Variants in PNPLA7 observed in about 807,000 individuals in gnomAD.
The protein encoded by PNPLA7 is patatin like domain 7, lysophospholipase.
In PNPLA7, 153 loss-of-function variants were observed where a neutral mutation model predicts 161.7. That is an observed-to-expected ratio of 0.95 (90% CI 0.83 to 1.08). PNPLA7 has a LOEUF of 1.08. PNPLA7 is among the 50% of genes least tolerant of loss of function. PNPLA7 has a pLI of 0.00. For synonymous variants in PNPLA7, 809 were observed against 782.1 expected (o/e 1.03, Z -0.57); for missense variants, 1,739 against 1,856.6 (o/e 0.94, Z 1.16).
intron 20 of PNPLA7, chr9:137,491,396 A>G (rs957879441): frequency 1.2e-6 from 1 of 821,584 alleles, no homozygotes; most frequent in Non-Finnish European, 1.5e-6. Context: ...CACACAAAAG[A>G]TAAAGATTGT....
At chr9:137,470,364 T>C (rs943615765) in intron 25 of PNPLA7, among the ~76,000 whole-genome samples, 9 of 152,108 alleles carry the variant, frequency 5.9e-5, no homozygotes, top group Non-Finnish European at 1.2e-4. Context: ...CTTATACGTT[T>C]CATAAAATTC....
chr9:137,549,873 G>A (rs1158888340), intron 1 of PNPLA7, among the ~76,000 whole-genome samples: 1 of 152,272 alleles, frequency 6.6e-6, no homozygotes, highest in Non-Finnish European at 1.5e-5. Context: ...TGACCTTAGG[G>A]GAAGAAAAGA....
At position 137,550,151 on chromosome 9, in the gene PNPLA7, TC is replaced by T. The variant is rs1836773673; in HGVS notation, c.30+16del. 1 of 1,612,712 alleles carries T rather than the reference TC, an allele frequency of 6.2e-7. No individual in the cohort carries two copies. Among genetic ancestry groups the T allele is most frequent in the African/African-American group, 1.3e-5 (1 of 75,004 alleles). ...CCAACTGGGAAATCCAGGCATCTGGTCCCCCGAGTTACATACCTGTGGGCTG... is the reference window on the plus strand; with the variant it reads ...CCAACTGGGAAATCCAGGCATCTGGTCCCCGAGTTACATACCTGTGGGCTG... On this transcript the variant is annotated intron_variant, in intron 1 of 34. Transcript: ENST00000406427.
At position 137,524,855 on chromosome 9, in the gene PNPLA7, GC is replaced by G. The variant is rs1835221969; in HGVS notation, c.748-1999del. Among the ~76,000 whole-genome samples, 1 of 152,074 alleles carries G rather than the reference GC, an allele frequency of 6.6e-6. No homozygotes were observed. The highest frequency in any genetic ancestry group is 1.5e-5 in the Non-Finnish European group (1 of 68,028). On this transcript the variant is annotated intron_variant, in intron 8 of 34. Transcript: ENST00000406427. The surrounding 1 kb of genome is among the most constrained non-coding windows in gnomAD (Gnocchi z 4.4). ...CCCCGTGGAATGAGTTTCCTTGGAT[GC>G]CCCGTGGAATGAGTTTCCGTGGATG...
rs745362051 is a variant in PNPLA7 at position 137,505,764 on chromosome 9, GAGA to G, written c.1327-7_1327-5del. The G allele has an allele frequency of 8.1e-6, 13 of 1,613,406 alleles. No homozygotes were observed. The highest frequency in any genetic ancestry group is 1.7e-5 in the Admixed American group (1 of 59,994). ...CAACCATCACGCTTTTCCTGGACTGGAGAAGAACGGAGATACCGGCAATTCGAA... is the reference window on the plus strand; with the variant it reads ...CAACCATCACGCTTTTCCTGGACTGGAGAACGGAGATACCGGCAATTCGAA... On this transcript the variant is annotated splice_polypyrimidine_tract_variant and splice_region_variant and intron_variant, in intron 13 of 34. Coordinates refer to ENST00000406427, the MANE Select transcript of PNPLA7 (RefSeq NM_001098537.3).
At chr9:137,535,105 C>CT (rs1405161220) in intron 8 of PNPLA7, among the ~76,000 whole-genome samples, 1 of 152,266 alleles carries the variant, frequency 6.6e-6, no homozygotes, top group African/African-American at 2.4e-5. Context: ...AGAAAGCTGG[C>CT]TGGCCAGCCT....
chr9:137,479,781 A>C, intron 23 of PNPLA7: 1 of 985,458 alleles, frequency 1.0e-6, no homozygotes, highest in Non-Finnish European at 1.2e-6. Context: ...GGAAGCAATC[A>C]GGTCAGTGAT....
At chr9:137,518,081 C>A (rs1310582550) in intron 11 of PNPLA7, among the ~76,000 whole-genome samples, 1 of 114,516 alleles carries the variant, frequency 8.7e-6, no homozygotes, top group Admixed American at 8.0e-5. Flanking sequence ...CACTCCATCC[C>A]CCGTCACTCA....
At chr9:137,517,062 C>T (rs1473284637) in intron 11 of PNPLA7, among the ~76,000 whole-genome samples, 2 of 143,960 alleles carry the variant, frequency 1.4e-5, no homozygotes, top group East Asian at 4.4e-4. Flanking sequence ...ACTCTGTCCA[C>T]TCCATCCCAC....
chr9:137,485,406 C>A (rs951176720), intron 20 of PNPLA7, among the ~76,000 whole-genome samples: 4 of 151,574 alleles, frequency 2.6e-5, no homozygotes, highest in Non-Finnish European at 5.9e-5. Flanking sequence ...ACAAACGCTG[C>A]AGGTGAGGCC....
chr9:137,526,470 G>T (rs1835308493), intron 8 of PNPLA7, among the ~76,000 whole-genome samples: 1 of 152,178 alleles, frequency 6.6e-6, no homozygotes, highest in African/African-American at 2.4e-5. Flanking sequence ...GTAGAGACGG[G>T]GTTTCACCGT....
At chr9:137,546,638 A>G (rs941728173) in intron 4 of PNPLA7, among the ~76,000 whole-genome samples, 192 bp downstream of exon 4, 1 of 152,130 alleles carries the variant, frequency 6.6e-6, no homozygotes, top group Non-Finnish European at 1.5e-5. Flanking sequence ...AGCTGGAGGA[A>G]GCAGACACCA....
chr9:137,506,134 A>C, intron 12 of PNPLA7, 51 bp from the exon 13 acceptor site: 4 of 1,489,928 alleles, frequency 2.7e-6, no homozygotes, highest in Non-Finnish European at 3.7e-6. Flanking sequence ...CACTGACACA[A>C]ACGTCCGCGG....
At chr9:137,521,768 G>C (rs375899122) in intron 9 of PNPLA7, 52 bp from the exon 10 acceptor site, 2 of 1,532,582 alleles carry the variant, frequency 1.3e-6, no homozygotes, top group South Asian at 1.1e-5. Context: ...GTACAGGGCG[G>C]GCCCCCGGCA....
At chr9:137,491,853 G>C in intron 20 of PNPLA7, 1 of 985,446 alleles carries the variant, frequency 1.0e-6, no homozygotes, top group Non-Finnish European at 1.2e-6. Flanking sequence ...AATGTGTCGG[G>C]GGTGACAAGC....
Position 137,501,710 on chromosome 9 carries a change from A to G in PNPLA7, c.1491T>C (p.Asp497=), listed in dbSNP as rs570429209. Residue 497 remains aspartate, a synonymous_variant, in exon 15 of 35, where the codon GAT becomes GAC. Transcript: ENST00000406427. ...GAACGTGCAGAAGCGCCACCCGGCC[A>G]TCCAACAGAGATGAGTCCTAAAAAC... ...LMKLEDSSLL[D]GRVALLHVPA... is the part of the protein sequence containing the mutation. 2 of 1,612,488 alleles carry G rather than the reference A, an allele frequency of 1.2e-6. No individual in the cohort carries two copies. Among genetic ancestry groups the G allele is most frequent in the South Asian group, 2.2e-5 (2 of 91,056 alleles).
intron 29 of PNPLA7, 77 bp from the exon 30 acceptor site, chr9:137,462,910 G>A: frequency 3.8e-6 from 6 of 1,571,606 alleles, no homozygotes; most frequent in Middle Eastern, 1.7e-4. Context: ...CTGCCTCTCC[G>A]AGCCCTGACG....
intron 20 of PNPLA7, chr9:137,491,620 T>C: frequency 3.0e-6 from 3 of 985,364 alleles, no homozygotes; most frequent in Non-Finnish European, 3.6e-6. Context: ...AACCGCAAAA[T>C]GTGACCTTAT....
chr9:137,544,043 C>A (rs1215925922), intron 4 of PNPLA7, among the ~76,000 whole-genome samples: 1 of 152,232 alleles, frequency 6.6e-6, no homozygotes, highest in East Asian at 1.9e-4. Context: ...CCCCAAACAG[C>A]CAACCCTCCA....
Sources: allele counts gnomAD v4.1 joint callset (sites outside exome capture counted in the v4.1 genomes callset), GRCh38; gene constraint gnomAD v4.1.1; non-coding constraint Gnocchi (gnomAD v3.1); transcripts MANE v1.5; gene names NCBI Gene and HGNC (gene_info 2026-07-23, HGNC 2026-07-21).